Variants in GUCY1A2 observed in about 807,000 individuals in gnomAD.
GUCY1A2 encodes the protein guanylate cyclase 1 soluble subunit alpha 2.
In GUCY1A2, 27 loss-of-function variants were observed where a neutral mutation model predicts 63.5. That is an observed-to-expected ratio of 0.43 (90% CI 0.31 to 0.59). The LOEUF is 0.59. Among genes scored for constraint, GUCY1A2 ranks in the 20% least tolerant of loss-of-function variants. The pLI, the probability that GUCY1A2 is intolerant of heterozygous loss-of-function variation, is 0.11. For missense variants in GUCY1A2, 768 were observed against 913.3 expected (o/e 0.84, Z 2.05); for synonymous variants, 364 against 343.5 (o/e 1.06, Z -0.66).
chr11:106,969,570 C>T (rs1484007781), intron 3 of GUCY1A2, among the ~76,000 whole-genome samples: 1 of 149,314 alleles, frequency 6.7e-6, no homozygotes. Flanking sequence ...GAAATAAAGA[C>T]AAAAAAAAAC....
rs371773990 is a variant in GUCY1A2 at position 106,684,013 on chromosome 11, T to G, written c.*3536A>C. The stretch of plus-strand genomic sequence containing the variant: ...AACTCTTTGGAGGCATTTGCAAAAT[T>G]AAAAGTCTTGCTCCCCTTGTGAATG... On this transcript the variant is annotated 3_prime_UTR_variant, in exon 8 of 8. Transcript: ENST00000526355. 9.8e-4 allele frequency: 190 copies of G among 194,018 alleles called. No individual in the cohort carries two copies. The highest frequency in any genetic ancestry group is 4.1e-3 in the African/African-American group (179 of 43,224). The allele number at this position is 194,018 out of a possible 1,614,324, so 12.0% of individuals were successfully genotyped here. A position where few individuals can be genotyped will look rare whatever the true frequency, so the allele number is the denominator to read the frequency against.
intron 4 of GUCY1A2, among the ~76,000 whole-genome samples, chr11:106,909,570 T>C (rs1860264144): frequency 6.6e-6 from 1 of 151,970 alleles, no homozygotes; most frequent in South Asian, 2.1e-4. Context: ...CTGTTCTTTT[T>C]TTAATTTAAA....
intron 6 of GUCY1A2, among the ~76,000 whole-genome samples, chr11:106,713,660 C>A (rs552048243): frequency 8.6e-5 from 13 of 151,854 alleles, no homozygotes; most frequent in Admixed American, 3.3e-4. Context: ...GCGCCCGCCA[C>A]CACGCCTAGC....
chr11:106,814,349 C>T (rs545970226), intron 4 of GUCY1A2, among the ~76,000 whole-genome samples: 92 of 152,170 alleles, frequency 6.0e-4, no homozygotes, highest in African/African-American at 2.2e-3. Context: ...AAGGGGCTTC[C>T]AGAAGGGCCA....
chr11:106,888,468 A>G (rs1859929814), intron 4 of GUCY1A2, among the ~76,000 whole-genome samples: 1 of 151,476 alleles, frequency 6.6e-6, no homozygotes, highest in South Asian at 2.1e-4. Context: ...CCATCTCAAA[A>G]AAGAAAGAAA....
At chr11:106,700,290 G>A (rs1591235708) in intron 7 of GUCY1A2, among the ~76,000 whole-genome samples, 1 of 152,056 alleles carries the variant, frequency 6.6e-6, no homozygotes, top group East Asian at 1.9e-4. Flanking sequence ...GTAAATATAT[G>A]GAATGACTGA....
chr11:106,883,151 C>T (rs953246794), intron 4 of GUCY1A2, among the ~76,000 whole-genome samples: 1 of 152,022 alleles, frequency 6.6e-6, no homozygotes, highest in South Asian at 2.1e-4. Context: ...CACTTAAATT[C>T]ATTCTTTCCT....
At chr11:106,817,370 T>C (rs1591288982) in intron 4 of GUCY1A2, among the ~76,000 whole-genome samples, 1 of 152,036 alleles carries the variant, frequency 6.6e-6, no homozygotes, top group African/African-American at 2.4e-5. Context: ...TTAGTTCCAA[T>C]AGTTCCTATT....
At chr11:106,784,282 C>A (rs1357867581) in intron 5 of GUCY1A2, among the ~76,000 whole-genome samples, 2 of 152,074 alleles carry the variant, frequency 1.3e-5, no homozygotes, top group Non-Finnish European at 2.9e-5. Context: ...CAGCCACAAC[C>A]CTGTAGGTTA....
At chr11:106,892,314 A>G (rs7128817) in intron 4 of GUCY1A2, among the ~76,000 whole-genome samples, 3,679 of 151,970 alleles carry the variant, frequency 0.024, 141 homozygotes, top group African/African-American at 0.083. Context: ...GACCAATGCT[A>G]TCTCTCATTT....
At chr11:106,746,420 C>G in intron 6 of GUCY1A2, 1 of 518,872 alleles carries the variant, frequency 1.9e-6, no homozygotes, top group Admixed American at 3.3e-5. Context: ...ACTACCAGTA[C>G]TACTACAAAC....
At chr11:106,983,022 C>G (rs1415416631) in intron 2 of GUCY1A2, among the ~76,000 whole-genome samples, 1 of 152,140 alleles carries the variant, frequency 6.6e-6, no homozygotes, top group African/African-American at 2.4e-5. Context: ...GAGCAGGGCC[C>G]AGTAATACGT....
intron 7 of GUCY1A2, among the ~76,000 whole-genome samples, chr11:106,705,575 C>A (rs1391769082): frequency 6.6e-6 from 1 of 151,942 alleles, no homozygotes; most frequent in South Asian, 2.1e-4. Flanking sequence ...GAACATGGGA[C>A]TGAGGCAGGG....
chr11:106,857,229 T>C (rs749708105), intron 4 of GUCY1A2, among the ~76,000 whole-genome samples: 1 of 152,086 alleles, frequency 6.6e-6, no homozygotes, highest in Non-Finnish European at 1.5e-5. Flanking sequence ...AAGGGTCGAG[T>C]TCCTGGTGAA....
chr11:107,007,810 G>T (rs1299267776), intron 1 of GUCY1A2, among the ~76,000 whole-genome samples: 1 of 152,130 alleles, frequency 6.6e-6, no homozygotes, highest in East Asian at 1.9e-4. Flanking sequence ...TTAATAGAAT[G>T]TTTGGTAATA....
intron 5 of GUCY1A2, among the ~76,000 whole-genome samples, chr11:106,778,140 A>G (rs1218063543): frequency 3.3e-5 from 5 of 152,186 alleles, no homozygotes; most frequent in African/African-American, 9.7e-5. Flanking sequence ...AAAAACTGCA[A>G]TTACTTTTGC....
intron 4 of GUCY1A2, among the ~76,000 whole-genome samples, chr11:106,923,142 A>G (rs1860472119): frequency 6.6e-6 from 1 of 152,154 alleles, no homozygotes; most frequent in South Asian, 2.1e-4. Context: ...TTGGAGAAAT[A>G]TTGTTTAAGT....
intron 6 of GUCY1A2, among the ~76,000 whole-genome samples, chr11:106,743,416 T>C (rs568270642): frequency 3.3e-5 from 5 of 152,324 alleles, no homozygotes; most frequent in African/African-American, 1.2e-4. Context: ...GACAAATACA[T>C]GTAACCTTTC....
chr11:106,949,872 G>A (rs1439852143), intron 3 of GUCY1A2, among the ~76,000 whole-genome samples: 1 of 152,156 alleles, frequency 6.6e-6, no homozygotes, highest in East Asian at 1.9e-4. Context: ...CCTTGTCTGT[G>A]GTGAATCTAT....
Sources: gnomAD v4.1 joint callset for allele counts (sites outside exome capture counted in the v4.1 genomes callset) on GRCh38, gnomAD v4.1.1 for gene constraint, MANE v1.5 for transcripts, NCBI Gene and HGNC (gene_info 2026-07-23, HGNC 2026-07-21) for gene names.